Variants in ATN1 observed in about 807,000 individuals in gnomAD.
ATN1 encodes atrophin 1.
ATN1 carries 19 observed loss-of-function variants against 85.8 expected under a neutral mutation model. The observed-to-expected ratio is 0.22, with a 90% CI of 0.15 to 0.32. The LOEUF (loss-of-function observed/expected upper bound fraction) is 0.32, where lower values mean the gene tolerates loss of function less well. Among genes scored for constraint, ATN1 ranks in the 10% least tolerant of loss-of-function variants. The probability of loss-of-function intolerance (pLI) is 1.00; values close to 1 mark genes in which losing one functional copy is unlikely to be tolerated. For missense variants in ATN1, 1,453 were observed against 1,564.5 expected (o/e 0.93, Z 1.20); for synonymous variants, 674 against 657.0 (o/e 1.03, Z -0.39).
At chr12:6,927,659 T>A (rs1270054162), upstream of ATN1, among the ~76,000 whole-genome samples, 79 of 137,112 alleles carry the variant, frequency 5.8e-4, no homozygotes, top group African/African-American at 2.0e-3. Context: ...TCCCCCTCTC[T>A]CCCCCCTCGC....
Position 6,936,728 on chromosome 12 carries a change from A to AACAGCAG in ATN1, c.1461_1462insACAGCAG (p.Gln488ThrfsTer38). The AACAGCAG allele has an allele frequency of 2.5e-6, 4 of 1,583,080 alleles. No individual in the cohort carries two copies. The South Asian group carries it at 3.3e-5, about 13-fold the overall frequency. On this transcript the variant is annotated frameshift_variant, in exon 5 of 10. Coordinates refer to ENST00000396684, the MANE Select transcript of ATN1 (RefSeq NM_001940.4). LOFTEE classifies it high-confidence loss of function. ...ATCACCATCACCACCAGCAACAGCA[A>AACAGCAG]CAGCAGCAGCAGCAGCAGCAGCAGC...
chr12:6,925,039 G>A (rs1945383489), upstream of ATN1, among the ~76,000 whole-genome samples: 3 of 152,104 alleles, frequency 2.0e-5, no homozygotes, highest in South Asian at 6.2e-4. Context: ...CCGTTGCCTG[G>A]AGACCAATGG....
chr12:6,924,752 C>G (rs781957230), upstream of ATN1, among the ~76,000 whole-genome samples: 6 of 149,816 alleles, frequency 4.0e-5, no homozygotes, highest in South Asian at 1.3e-3. Context: ...TCCTGGCGAC[C>G]CTTTATGCCT....
chr12:6,935,134 C>T lies in ATN1; in HGVS notation c.280-413C>T, dbSNP rs782088538. Among the ~76,000 whole-genome samples, 13 of 152,276 alleles carry T rather than the reference C, an allele frequency of 8.5e-5. No individual in the cohort carries two copies. The highest frequency in any genetic ancestry group is 1.3e-4 in the Non-Finnish European group (9 of 68,030). ...AACTCCTGGCATCAAGTGATCCGCC[C>T]GCTTCAGCTTCCCAAAGTGCTGGGA... is the stretch of plus-strand genomic sequence containing the variant. On this transcript the variant is annotated intron_variant, in intron 4 of 9. Coordinates refer to ENST00000396684, the MANE Select transcript of ATN1 (RefSeq NM_001940.4). The surrounding 1 kb of genome is among the most constrained non-coding windows in gnomAD (Gnocchi z 5.3).
At position 6,941,662 on chromosome 12, in the gene ATN1, C is replaced by T. The variant is rs1223680048; in HGVS notation, c.3540-85C>T. On this transcript the variant is annotated intron_variant, in intron 9 of 9. Transcript: ENST00000396684. The surrounding 1 kb of genome is among the most constrained non-coding windows in gnomAD (Gnocchi z 5.9). ...GCTCCTGGGGGAGGGAACCCCTCCT[C>T]TCCCAACCCCTTCGGTAAGAGGGGG... is the stretch of plus-strand genomic sequence containing the variant. The T allele has an allele frequency of 3.1e-6, 5 of 1,591,496 alleles. No homozygotes were observed. The highest frequency in any genetic ancestry group is 4.3e-6 in the Non-Finnish European group (5 of 1,159,814).
rs2138212201 is a variant in ATN1, at chr12:6,936,278, G to A, written c.1011G>A (p.Gln337=). 2 of 1,613,504 alleles carry A rather than the reference G, an allele frequency of 1.2e-6. No homozygotes were observed. Among genetic ancestry groups the A allele is most frequent in the East Asian group, 4.5e-5 (2 of 44,864 alleles). The change falls in exon 5 of 10, where the codon CAG becomes CAA. Residue 337 remains glutamine (Q), a synonymous_variant. Transcript: ENST00000396684. ...GHLPSPHAMG[Q]GMGGLPPGPE... The stretch of plus-strand genomic sequence containing the variant: ...TGCCCTCTCCCCACGCCATGGGACA[G>A]GGTATGGGTGGACTTCCTCCTGGCC...
rs754443549 is a variant in ATN1, at chr12:6,942,140, G to A, written c.*360G>A. 8.0e-5 allele frequency: 26 copies of A among 324,736 alleles called. No individual in the cohort carries two copies. Among genetic ancestry groups the A allele is most frequent in the Non-Finnish European group, 1.4e-4 (23 of 170,262 alleles). 20.1% of individuals were successfully genotyped at this position (324,736 alleles called of 1,614,324 possible). A position where few individuals can be genotyped will look rare whatever the true frequency, so the allele number is the denominator to read the frequency against. On this transcript the variant is annotated 3_prime_UTR_variant, in exon 10 of 10. Transcript: ENST00000396684. Reference sequence around the variant, plus strand: ...CATCTGTTAGATGTGGCTGTTTTGCGTAGCATCGTGTGCCACCCCTGCCCC... The same window carrying A: ...CATCTGTTAGATGTGGCTGTTTTGCATAGCATCGTGTGCCACCCCTGCCCC...
At chr12:6,927,090 G>T (rs1378506049), upstream of ATN1, among the ~76,000 whole-genome samples, 1 of 150,274 alleles carries the variant, frequency 6.7e-6, no homozygotes, top group Non-Finnish European at 1.5e-5. Flanking sequence ...CCTCACTGAC[G>T]TTTCCTCTGG....
In ATN1 at chr12:6,937,979, G is replaced by A. The variant is rs1945574542; in HGVS notation, c.2429G>A (p.Arg810His). The change falls in exon 6 of 10, where the codon CGC becomes CAC. Residue 810 changes from arginine to histidine, a missense_variant. Physicochemically the swap from Arg to His is conservative, Grantham distance 29. Coordinates refer to ENST00000396684, the MANE Select transcript of ATN1 (RefSeq NM_001940.4). The surrounding 1 kb of genome is among the most constrained non-coding windows in gnomAD (Gnocchi z 6.0). ...AAGGTGCGGCGCGAGGCCGAGCAGCGCGCGCGCGAAGAAAAGGAGCGCGAG... is the reference window on the plus strand; with the variant it reads ...AAGGTGCGGCGCGAGGCCGAGCAGCACGCGCGCGAAGAAAAGGAGCGCGAG... ...VEKVRREAEQ[R>H]AREEKERERE... 1 of 1,552,968 alleles carries A rather than the reference G, an allele frequency of 6.4e-7. No homozygotes were observed. Among genetic ancestry groups the A allele is most frequent in the Non-Finnish European group, 8.7e-7 (1 of 1,148,608 alleles).
chr12:6,935,922 C>T lies in ATN1; in HGVS notation c.655C>T (p.Leu219Phe), dbSNP rs782344779. The change falls in exon 5 of 10, where the codon CTC (leucine) becomes TTC (phenylalanine). Residue 219 changes from leucine to phenylalanine, a missense_variant. This residue lies in a region of ATN1 where 990 missense variants were observed against 914.8 expected (regional missense o/e 1.08). Coordinates refer to ENST00000396684, the MANE Select transcript of ATN1 (RefSeq NM_001940.4). This position sits in a 1 kb window ranked among gnomAD's most constrained non-coding sequence, Gnocchi z 5.3. ...TGGGGCCCCTCCCCCTCACCCACAG[C>T]TCTATCCTGGGGGCACTGGTGGAGT... ...PPGAPPPHPQ[L>F]YPGGTGGVLS... The T allele has an allele frequency of 1.2e-5, 20 of 1,606,904 alleles. No individual in the cohort carries two copies. In the South Asian group the frequency reaches 1.8e-4, roughly 14 times the overall value.
rs781923685 is a variant in ATN1 at position 6,935,515 on chromosome 12, A to G, written c.280-32A>G. 6.3e-7 allele frequency: 1 copy of G among 1,596,318 alleles called. No homozygotes were observed. Among genetic ancestry groups the G allele is most frequent in the Admixed American group, 1.7e-5 (1 of 57,930 alleles). ...AAATCTCAGGGAAGCAGGAAAGGAA[A>G]AGAGAAAAAATGAGTCTTCCCTTTT... On this transcript the variant is annotated intron_variant, in intron 4 of 9. Transcript: ENST00000396684. The surrounding 1 kb of genome is among the most constrained non-coding windows in gnomAD (Gnocchi z 5.3).
chr12:6,937,264 G>A lies in ATN1; in HGVS notation c.1997G>A (p.Arg666Gln). The A allele has an allele frequency of 6.2e-7, 1 of 1,610,056 alleles. No individual in the cohort carries two copies. The change falls in exon 5 of 10, where the codon CGA (arginine) becomes CAA (glutamine). Residue 666 changes from arginine to glutamine, a missense_variant. Arg to Gln is a conservative substitution (Grantham distance 43). Coordinates refer to ENST00000396684, the MANE Select transcript of ATN1 (RefSeq NM_001940.4). The surrounding 1 kb of genome is among the most constrained non-coding windows in gnomAD (Gnocchi z 6.0). ...AAACCCGGGTCGCCTCCCTCCTTCC[G>A]AACGGGGACCCCACCGGGCTATCGA... ...GYKPGSPPSF[R>Q]TGTPPGYRGT...
chr12:6,939,229 C>T (rs1555144376), intron 7 of ATN1, 52 bp downstream of exon 7: 3 of 1,524,676 alleles, frequency 2.0e-6, no homozygotes, highest in Non-Finnish European at 2.6e-6. Context: ...TTCCCCCTAT[C>T]ATGACTGGGC....
intron 7 of ATN1, among the ~76,000 whole-genome samples, chr12:6,940,532 T>C (rs953688611): frequency 6.6e-6 from 1 of 152,164 alleles, no homozygotes; most frequent in African/African-American, 2.4e-5. Context: ...CCTCCCAAAG[T>C]GCTGAGATTA....
chr12:6,926,151 GGGTTGGGA>G (rs1945396906), upstream of ATN1, among the ~76,000 whole-genome samples: 1 of 152,184 alleles, frequency 6.6e-6, no homozygotes, highest in South Asian at 2.1e-4. Flanking sequence ...GGGAGAGGAA[GGGTTGGGA>G]GGAGCCTGCA....
In ATN1 at chr12:6,938,700, C is replaced by G; in HGVS notation, c.2737C>G (p.Pro913Ala). The G allele has an allele frequency of 6.2e-7, 1 of 1,614,126 alleles. No homozygotes were observed. Among genetic ancestry groups the G allele is most frequent in the Non-Finnish European group, 8.5e-7 (1 of 1,180,046 alleles). ...CTACGTGCCCCTGGGGGCAGTGGAC[C>G]CGGGGCTCCTGGGTTACAATGTCCC... ...PFYVPLGAVD[P>A]GLLGYNVPAL... Residue 913 changes from proline (P) to alanine (A), a missense_variant, in exon 7 of 10, where the codon CCG becomes GCG. Pro to Ala is a conservative substitution (Grantham distance 27). Coordinates refer to ENST00000396684, the MANE Select transcript of ATN1 (RefSeq NM_001940.4).
Position 6,938,931 on chromosome 12 carries a change from C to T in ATN1, c.2968C>T (p.Pro990Ser). The stretch of plus-strand genomic sequence containing the variant: ...TGGCCCACCTGGCCTGCACCCTTTC[C>T]CCTTTCATCCGAGCCTGGGGCCCCT... ...QPGPPGLHPF[P>S]FHPSLGPLER... Residue 990 changes from proline to serine, a missense_variant, in exon 7 of 10, where the codon CCC (proline) becomes TCC (serine). By Grantham distance (74) the Pro-to-Ser change is moderately conservative. Around this residue, in one of 6 missense-constraint regions of ATN1, gnomAD observed 208 missense variants for 263.4 expected, o/e 0.79. Coordinates refer to ENST00000396684, the MANE Select transcript of ATN1 (RefSeq NM_001940.4). 1.2e-6 allele frequency: 2 copies of T among 1,614,006 alleles called. No individual in the cohort carries two copies. Among genetic ancestry groups the T allele is most frequent in the Non-Finnish European group, 1.7e-6 (2 of 1,179,998 alleles).
At position 6,936,349 on chromosome 12, in the gene ATN1, C is replaced by T; in HGVS notation, c.1082C>T (p.Pro361Leu). 6.2e-7 allele frequency: 1 copy of T among 1,614,014 alleles called. No homozygotes were observed. Among genetic ancestry groups the T allele is most frequent in the Non-Finnish European group, 8.5e-7 (1 of 1,179,958 alleles). Residue 361 changes from proline (P) to leucine (L), a missense_variant, in exon 5 of 10, where the codon CCT (proline) becomes CTT (leucine). Pro to Leu is a moderately conservative substitution (Grantham distance 98). Coordinates refer to ENST00000396684, the MANE Select transcript of ATN1 (RefSeq NM_001940.4). The part of the protein sequence containing the change: ...TLAPSPHSLP[P>L]ASSSAPAPPM... The stretch of plus-strand genomic sequence containing the variant: ...GCTCCTTCACCCCACTCTCTGCCTC[C>T]TGCTTCCTCTTCTGCTCCAGCGCCC...
Position 6,933,848 on chromosome 12 carries a change from G to T in ATN1, c.-154G>T. ...TGGTTTCCTTCTAACAGGTTTCATT[G>T]AAAACAGATCCTGCAAAAGTTCCAG... On this transcript the variant is annotated 5_prime_UTR_variant, in exon 2 of 10. Transcript: ENST00000396684. The T allele has an allele frequency of 3.6e-6, 3 of 831,018 alleles. No individual in the cohort carries two copies. Among genetic ancestry groups the T allele is most frequent in the Non-Finnish European group, 5.8e-6 (3 of 520,230 alleles). The allele number at this position is 831,018 out of a possible 1,614,324, so 51.5% of individuals were successfully genotyped here.
Sources: allele counts gnomAD v4.1 joint callset (sites outside exome capture counted in the v4.1 genomes callset), GRCh38; gene constraint gnomAD v4.1.1; regional missense constraint gnomAD v4.1.1; non-coding constraint Gnocchi (gnomAD v3.1); transcripts MANE v1.5; gene names NCBI Gene and HGNC (gene_info 2026-07-23, HGNC 2026-07-21).